Variants in DPP10 observed in about 807,000 individuals in gnomAD.
DPP10 encodes the protein inactive dipeptidyl peptidase 10.
DPP10 carries 33 observed loss-of-function variants against 120.9 expected under a neutral mutation model. The observed-to-expected ratio is 0.27, with a 90% confidence interval of 0.21 to 0.37. The LOEUF (loss-of-function observed/expected upper bound fraction) is 0.37. Among genes scored for constraint, DPP10 ranks in the 10% least tolerant of loss-of-function variants. The pLI, the probability that DPP10 is intolerant of heterozygous loss-of-function variation, is 1.00. For synonymous variants in DPP10, 337 were observed against 326.1 expected (o/e 1.03, Z -0.36); for missense variants, 816 against 942.8 (o/e 0.87, Z 1.76).
At chr2:115,393,169 T>C (rs1316954977) in intron 3 of DPP10, among the ~76,000 whole-genome samples, 5 of 151,928 alleles carry the variant, frequency 3.3e-5, no homozygotes, top group Admixed American at 1.3e-4. Flanking sequence ...AAAAATTAGC[T>C]GGACATGGTA....
intron 1 of DPP10, among the ~76,000 whole-genome samples, chr2:114,824,536 G>A (rs1421235442): frequency 6.6e-6 from 1 of 151,944 alleles, no homozygotes; most frequent in African/African-American, 2.4e-5. Context: ...GCCATTGTCG[G>A]ATAGCTTTCA....
intron 7 of DPP10, among the ~76,000 whole-genome samples, chr2:115,709,754 CA>C (rs949440986): frequency 6.6e-6 from 1 of 151,340 alleles, no homozygotes; most frequent in African/African-American, 2.4e-5. Flanking sequence ...AAAAACAAAA[CA>C]AAACAAACAA....
chr2:115,232,410 A>G (rs796512535), intron 1 of DPP10, among the ~76,000 whole-genome samples: 9 of 152,260 alleles, frequency 5.9e-5, no homozygotes, highest in African/African-American at 2.2e-4. Flanking sequence ...CTTGGGGATG[A>G]TAATATGATA....
At chr2:115,007,840 G>C (rs1305066741) in intron 1 of DPP10, among the ~76,000 whole-genome samples, 1 of 149,370 alleles carries the variant, frequency 6.7e-6, no homozygotes, top group African/African-American at 2.4e-5. Flanking sequence ...GCTTCAAAGA[G>C]AATAAAATAC....
intron 1 of DPP10, among the ~76,000 whole-genome samples, chr2:115,233,641 G>C (rs2057850853): frequency 6.6e-6 from 1 of 152,102 alleles, no homozygotes. Context: ...GGGACTCTGG[G>C]TCTCCCCTAG....
intron 1 of DPP10, among the ~76,000 whole-genome samples, chr2:115,237,730 T>C (rs2058073450): frequency 6.6e-6 from 1 of 152,184 alleles, no homozygotes; most frequent in Admixed American, 6.5e-5. Context: ...GAAGAAAGTT[T>C]TAATGGTCTG....
intron 1 of DPP10, among the ~76,000 whole-genome samples, chr2:114,685,877 G>A (rs1370520514): frequency 6.6e-6 from 1 of 151,902 alleles, no homozygotes; most frequent in Non-Finnish European, 1.5e-5. Context: ...TTCTTCTAAT[G>A]CATTATTCCC....
intron 5 of DPP10, among the ~76,000 whole-genome samples, chr2:115,553,439 CT>C (rs1269212446): frequency 6.6e-6 from 1 of 151,946 alleles, no homozygotes; most frequent in Non-Finnish European, 1.5e-5. Flanking sequence ...GTTTTCAAAT[CT>C]GTCATTTCAT....
chr2:115,508,842 G>T (rs899035134), intron 4 of DPP10, among the ~76,000 whole-genome samples: 1 of 152,194 alleles, frequency 6.6e-6, no homozygotes, highest in African/African-American at 2.4e-5. Flanking sequence ...GGCGGAGGTT[G>T]CAGTGAGCTG....
At chr2:114,529,754 AG>A (rs1480062659) in intron 1 of DPP10, among the ~76,000 whole-genome samples, 1 of 152,064 alleles carries the variant, frequency 6.6e-6, no homozygotes, top group Non-Finnish European at 1.5e-5. Context: ...AATGTGTGTC[AG>A]GGGGGTTTGT....
intron 1 of DPP10, among the ~76,000 whole-genome samples, chr2:115,016,411 A>T (rs540920923): frequency 5.9e-5 from 9 of 152,118 alleles, no homozygotes; most frequent in Non-Finnish European, 1.0e-4. Context: ...CTAGAAGAAA[A>T]CCTAGGCAAT....
chr2:115,491,793 C>A (rs1260851441), intron 3 of DPP10, among the ~76,000 whole-genome samples: 1 of 152,090 alleles, frequency 6.6e-6, no homozygotes, highest in South Asian at 2.1e-4. Flanking sequence ...AGGGGCATGT[C>A]CAAGATGGCA....
intron 1 of DPP10, among the ~76,000 whole-genome samples, chr2:114,696,784 G>A (rs182796369): frequency 1.6e-4 from 24 of 151,994 alleles, no homozygotes; most frequent in Admixed American, 1.5e-3. Context: ...AGTCATTAGA[G>A]GAGAGGCAAA....
chr2:115,259,800 T>C (rs998631383), intron 1 of DPP10, among the ~76,000 whole-genome samples: 1 of 152,120 alleles, frequency 6.6e-6, no homozygotes, highest in African/African-American at 2.4e-5. Flanking sequence ...AATACACATA[T>C]GCATAAACAT....
At chr2:115,728,967 T>C (rs2092833206) in intron 8 of DPP10, among the ~76,000 whole-genome samples, 1 of 152,328 alleles carries the variant, frequency 6.6e-6, no homozygotes, top group Non-Finnish European at 1.5e-5. Context: ...TGTGTACATG[T>C]ATATTTATAT....
chr2:115,171,638 CA>C (rs2053342832), intron 1 of DPP10, among the ~76,000 whole-genome samples: 1 of 151,520 alleles, frequency 6.6e-6, no homozygotes, highest in South Asian at 2.1e-4. Flanking sequence ...TAGCCATTCC[CA>C]GATTCAGCTG....
chr2:114,960,768 C>T (rs1274940090), intron 1 of DPP10, among the ~76,000 whole-genome samples: 2 of 152,010 alleles, frequency 1.3e-5, no homozygotes, highest in Non-Finnish European at 2.9e-5. Context: ...AATAAGATGT[C>T]ATTTGTATAA....
intron 1 of DPP10, among the ~76,000 whole-genome samples, chr2:114,654,464 T>C (rs1019005373): frequency 2.8e-4 from 42 of 152,156 alleles, no homozygotes; most frequent in African/African-American, 9.9e-4. Flanking sequence ...AACTTTCCTT[T>C]GAAAGCCAGG....
chr2:114,912,798 C>T (rs1694470338), intron 1 of DPP10, among the ~76,000 whole-genome samples: 1 of 152,196 alleles, frequency 6.6e-6, no homozygotes, highest in Non-Finnish European at 1.5e-5. Flanking sequence ...CAGCAGACTA[C>T]ATGATTCTCA....
Sources: gnomAD v4.1 joint callset for allele counts (sites outside exome capture counted in the v4.1 genomes callset) on GRCh38, gnomAD v4.1.1 for gene constraint, MANE v1.5 for transcripts, NCBI Gene and HGNC (gene_info 2026-07-23, HGNC 2026-07-21) for gene names.